CHCHD3: variants seen among roughly 807,000 people sequenced by gnomAD.
CHCHD3 encodes coiled-coil-helix-coiled-coil-helix domain containing 3, also known as MICOS complex subunit MIC19.
A neutral mutation model predicts 38.2 loss-of-function variants in CHCHD3; 20 were observed. The ratio of observed to expected loss-of-function variants is 0.52; its 90% CI spans 0.37 to 0.76. CHCHD3 has a LOEUF of 0.76. CHCHD3 is among the 30% of genes least tolerant of loss of function. CHCHD3 has a pLI of 0.00. For synonymous variants in CHCHD3, 82 were observed against 100.0 expected, an observed-to-expected ratio of 0.82 and a Z score of 1.07; for missense variants, 245 against 279.2, an observed-to-expected ratio of 0.88 and a Z score of 0.87.
chr7:132,899,166 T>C (rs1162732352), intron 4 of CHCHD3, among the ~76,000 whole-genome samples: 1 of 152,128 alleles, frequency 6.6e-6, no homozygotes, highest in Non-Finnish European at 1.5e-5. Context: ...CGCTGTCACC[T>C]CTCACTAAGA....
At chr7:132,870,893 T>C (rs1456993082) in intron 5 of CHCHD3, among the ~76,000 whole-genome samples, 1 of 152,196 alleles carries the variant, frequency 6.6e-6, no homozygotes, top group Admixed American at 6.5e-5. Flanking sequence ...AAAAGTGTAA[T>C]TTTATACTAG....
At chr7:133,036,085 A>G (rs1813666848) in intron 2 of CHCHD3, 5 of 675,422 alleles carry the variant, frequency 7.4e-6, no homozygotes, top group Non-Finnish European at 1.0e-5. Flanking sequence ...TCGCTAGGCA[A>G]TTGAGATTTC....
chr7:132,841,907 C>A (rs1201916933), intron 5 of CHCHD3, among the ~76,000 whole-genome samples: 1 of 151,850 alleles, frequency 6.6e-6, no homozygotes, highest in African/African-American at 2.4e-5. Context: ...ACCAGCCTGG[C>A]CAACATGGTG....
At chr7:133,027,499 A>AT (rs1174552261) in intron 2 of CHCHD3, among the ~76,000 whole-genome samples, 8 of 152,084 alleles carry the variant, frequency 5.3e-5, no homozygotes, top group African/African-American at 1.7e-4. Flanking sequence ...TATACAGGGA[A>AT]TCAGGGAATA....
intron 3 of CHCHD3, among the ~76,000 whole-genome samples, chr7:133,015,345 A>C (rs199681829): frequency 2.9e-5 from 1 of 34,194 alleles, no homozygotes; most frequent in African/African-American, 6.5e-5. Context: ...AACGTCTCAA[A>C]AATTAAATAA....
chr7:132,857,956 G>C (rs942469942), intron 5 of CHCHD3, among the ~76,000 whole-genome samples: 2 of 152,212 alleles, frequency 1.3e-5, no homozygotes, highest in Admixed American at 1.3e-4. Flanking sequence ...TTCTGGGACA[G>C]TGCTTCTCCA....
chr7:132,996,944 G>A (rs1282859162), intron 3 of CHCHD3, among the ~76,000 whole-genome samples: 3 of 152,168 alleles, frequency 2.0e-5, no homozygotes, highest in Non-Finnish European at 4.4e-5. Context: ...AAACGGCTAG[G>A]TAAACAGCAT....
At chr7:133,049,474 T>G (rs1438096521) in intron 2 of CHCHD3, among the ~76,000 whole-genome samples, 2 of 152,224 alleles carry the variant, frequency 1.3e-5, no homozygotes, top group East Asian at 3.8e-4. Flanking sequence ...TACCCAACAA[T>G]TTTATCCTAC....
At chr7:132,806,008 C>G (rs966292491) in intron 6 of CHCHD3, among the ~76,000 whole-genome samples, 1 of 152,094 alleles carries the variant, frequency 6.6e-6, no homozygotes, top group Non-Finnish European at 1.5e-5. Context: ...GTCAAAATGC[C>G]CTGCAAGATG....
chr7:132,892,547 G>A (rs1809388267), intron 4 of CHCHD3, among the ~76,000 whole-genome samples: 1 of 152,210 alleles, frequency 6.6e-6, no homozygotes, highest in African/African-American at 2.4e-5. Flanking sequence ...TTAACAAGGA[G>A]CTGAATGTTA....
chr7:132,957,606 C>G (rs543871350), intron 4 of CHCHD3, among the ~76,000 whole-genome samples: 2 of 152,196 alleles, frequency 1.3e-5, no homozygotes, highest in East Asian at 3.9e-4. Context: ...CCTCAGCCTC[C>G]GAGTAGCTGG....
chr7:132,922,044 T>C (rs919662432), intron 4 of CHCHD3, among the ~76,000 whole-genome samples: 4 of 152,184 alleles, frequency 2.6e-5, no homozygotes, highest in Non-Finnish European at 1.5e-5. Context: ...CTTGATGTGA[T>C]GTATAGCTGA....
intron 2 of CHCHD3, among the ~76,000 whole-genome samples, chr7:133,056,823 G>A (rs1480865765): frequency 2.0e-5 from 3 of 152,192 alleles, no homozygotes; most frequent in Non-Finnish European, 4.4e-5. Flanking sequence ...TGGCAACCAT[G>A]AGAAATTGGC....
chr7:132,798,647 G>C (rs918886), intron 6 of CHCHD3, among the ~76,000 whole-genome samples: 34,123 of 152,048 alleles, frequency 0.22, 4,531 homozygotes, highest in East Asian at 0.4. Context: ...AAAAGCAGGG[G>C]GAAGGAGGTG....
At chr7:132,840,577 GATA>G (rs1037545452) in intron 5 of CHCHD3, among the ~76,000 whole-genome samples, 7 of 152,134 alleles carry the variant, frequency 4.6e-5, no homozygotes, top group South Asian at 2.1e-4. Flanking sequence ...GAGTATGGAT[GATA>G]ATATTAGCCC....
At chr7:132,826,564 T>C (rs1807514548) in intron 6 of CHCHD3, among the ~76,000 whole-genome samples, 3 of 152,146 alleles carry the variant, frequency 2.0e-5, no homozygotes, top group Admixed American at 1.3e-4. Context: ...GCAATTTAAC[T>C]ATTGGCCACT....
At chr7:132,845,299 T>C (rs1188504551) in intron 5 of CHCHD3, among the ~76,000 whole-genome samples, 1 of 152,160 alleles carries the variant, frequency 6.6e-6, no homozygotes, top group Non-Finnish European at 1.5e-5. Flanking sequence ...TTATTAAAAA[T>C]TATTTGAACA....
chr7:132,915,417 C>A (rs554044318), intron 4 of CHCHD3, among the ~76,000 whole-genome samples: 1 of 152,262 alleles, frequency 6.6e-6, no homozygotes, highest in African/African-American at 2.4e-5. Flanking sequence ...CACTCCTGCA[C>A]GGTTCCCTCT....
chr7:132,965,731 G>A (rs1811449248), intron 4 of CHCHD3, among the ~76,000 whole-genome samples: 1 of 152,134 alleles, frequency 6.6e-6, no homozygotes, highest in African/African-American at 2.4e-5. Context: ...TATATGAGTA[G>A]GTTTTATCAT....
Sources: allele counts gnomAD v4.1 joint callset (sites outside exome capture counted in the v4.1 genomes callset), GRCh38; gene constraint gnomAD v4.1.1; transcripts MANE v1.5; gene names NCBI Gene and HGNC (gene_info 2026-07-23, HGNC 2026-07-21).